The following SIDT1 variants were observed in gnomAD, a reference collection of about 807,000 sequenced individuals.
The protein encoded by SIDT1 is SID1 transmembrane family, member 1.
In SIDT1, 101 loss-of-function variants were observed where a neutral mutation model predicts 107.5. That is an observed-to-expected ratio of 0.94 (90% CI 0.80 to 1.11). SIDT1 has a LOEUF of 1.11. Ranked by LOEUF, SIDT1 falls within the 50% of genes least tolerant of loss-of-function variation. The pLI is 0.00. For missense variants in SIDT1, 1,076 were observed against 1,058.2 expected (o/e 1.02, Z -0.23); for synonymous variants, 395 against 398.2 (o/e 0.99, Z 0.10).
chr3:113,613,876 T>A (rs1945922798), intron 19 of SIDT1, among the ~76,000 whole-genome samples: 1 of 152,206 alleles, frequency 6.6e-6, no homozygotes, highest in South Asian at 2.1e-4. Context: ...ATTTAGCATA[T>A]CATATTATGA....
intron 7 of SIDT1, among the ~76,000 whole-genome samples, chr3:113,584,128 G>T (rs994334675): frequency 6.6e-6 from 1 of 152,178 alleles, no homozygotes; most frequent in Admixed American, 6.5e-5. Flanking sequence ...AATCACATGT[G>T]ACCAACACAA....
At chr3:113,581,597 G>A (rs1159699022) in intron 6 of SIDT1, 153 bp downstream of exon 6, 1 of 646,788 alleles carries the variant, frequency 1.5e-6, no homozygotes, top group African/African-American at 1.8e-5. Context: ...GTCTGGCCAG[G>A]CGCAGTGGCT....
chr3:113,557,660 G>A (rs1941021142), intron 1 of SIDT1, among the ~76,000 whole-genome samples: 1 of 152,218 alleles, frequency 6.6e-6, no homozygotes, highest in Non-Finnish European at 1.5e-5. Context: ...TCTATCCAGA[G>A]GAAGGTCTCA....
intron 19 of SIDT1, among the ~76,000 whole-genome samples, chr3:113,614,831 G>A (rs1276411012): frequency 6.6e-6 from 1 of 152,166 alleles, no homozygotes; most frequent in Non-Finnish European, 1.5e-5. Context: ...GACAGAGAGA[G>A]AGAAAAGTCT....
At chr3:113,625,489 G>T (rs945487960) in intron 23 of SIDT1, among the ~76,000 whole-genome samples, 18 of 152,040 alleles carry the variant, frequency 1.2e-4, no homozygotes, top group African/African-American at 4.3e-4. Flanking sequence ...TCTCCACAGT[G>T]GCTGTACTAA....
intron 23 of SIDT1, chr3:113,625,848 T>G: frequency 2.4e-6 from 1 of 414,180 alleles, no homozygotes. Context: ...GGGTTGTCTC[T>G]TCACTTTGTT....
At chr3:113,562,414 T>A (rs1012489629) in intron 1 of SIDT1, among the ~76,000 whole-genome samples, 1 of 152,242 alleles carries the variant, frequency 6.6e-6, no homozygotes, top group African/African-American at 2.4e-5. Flanking sequence ...AAAATTTGTA[T>A]ACAAATGTTC....
At chr3:113,562,459 A>C (rs1003431940) in intron 1 of SIDT1, among the ~76,000 whole-genome samples, 1 of 152,234 alleles carries the variant, frequency 6.6e-6, no homozygotes, top group African/African-American at 2.4e-5. Flanking sequence ...AAAAAGTTAA[A>C]ACAACCCAAA....
chr3:113,559,438 T>G (rs1347522130), intron 1 of SIDT1, among the ~76,000 whole-genome samples: 2 of 149,016 alleles, frequency 1.3e-5, no homozygotes, highest in Admixed American at 1.3e-4. Flanking sequence ...TTTATTTATT[T>G]TTTTTTTTTT....
In SIDT1 at chr3:113,558,236, T is replaced by A. The variant is rs187759418; in HGVS notation, c.223-8184T>A. On this transcript the variant is annotated intron_variant, in intron 1 of 24. Coordinates refer to ENST00000264852, the MANE Select transcript of SIDT1 (RefSeq NM_017699.3). ...AAGGCCAGCACATCATGGCTTCTTTTTTATTATTACTAGGAAACATTCTAG... is the reference window on the plus strand; with the variant it reads ...AAGGCCAGCACATCATGGCTTCTTTATTATTATTACTAGGAAACATTCTAG... Among the ~76,000 whole-genome samples, 129 of 152,322 alleles carry A rather than the reference T, an allele frequency of 8.5e-4. 2 individuals carry two copies. The highest frequency in any genetic ancestry group is 1.2e-3 in the East Asian group (6 of 5,186).
intron 14 of SIDT1, among the ~76,000 whole-genome samples, chr3:113,605,968 G>A (rs1051059592): frequency 1.3e-5 from 2 of 149,404 alleles, no homozygotes; most frequent in African/African-American, 2.5e-5. Flanking sequence ...CTGAGCCACT[G>A]CACTCCAGCC....
intron 5 of SIDT1, 131 bp from the exon 6 acceptor site, chr3:113,581,230 G>A: frequency 2.8e-6 from 2 of 711,406 alleles, no homozygotes; most frequent in Non-Finnish European, 4.9e-6. Flanking sequence ...GGGGGAAATT[G>A]CCTAGTTTCT....
chr3:113,581,541 T>C (rs1553794233), intron 6 of SIDT1, 97 bp downstream of exon 6: 1 of 974,492 alleles, frequency 1.0e-6, no homozygotes, highest in Non-Finnish European at 1.6e-6. Context: ...CCATCCATGA[T>C]GTGCCTAGGA....
chr3:113,537,394 A>G (rs1388558908), intron 1 of SIDT1, among the ~76,000 whole-genome samples: 1 of 152,242 alleles, frequency 6.6e-6, no homozygotes, highest in East Asian at 1.9e-4. Context: ...TGAAATGCCC[A>G]TGTGGACACT....
chr3:113,533,224 A>G lies in SIDT1; in HGVS notation c.203A>G (p.Tyr68Cys). ...ACCGAGAACATCTACTCTTTCAACT[A>G]CACCAGCCAGCCCGACCAGGTAAGA... ...LSTENIYSFN[Y>C]TSQPDQVTAV... Residue 68 changes from tyrosine to cysteine, a missense_variant, in exon 1 of 25, where the codon TAC becomes TGC. Coordinates refer to ENST00000264852, the MANE Select transcript of SIDT1 (RefSeq NM_017699.3). 1 of 1,494,714 alleles carries G rather than the reference A, an allele frequency of 6.7e-7. No homozygotes were observed. The highest frequency in any genetic ancestry group is 8.9e-7 in the Non-Finnish European group (1 of 1,117,900). The allele number at this position is 1,494,714 out of a possible 1,614,324, so 92.6% of individuals were successfully genotyped here.
intron 1 of SIDT1, among the ~76,000 whole-genome samples, chr3:113,543,088 G>T (rs1318651249): frequency 6.6e-6 from 1 of 151,988 alleles, no homozygotes; most frequent in Non-Finnish European, 1.5e-5. Context: ...CTACAGGCAT[G>T]CACCACCATG....
In SIDT1 at chr3:113,541,143, T is replaced by C. The variant is rs6785833; in HGVS notation, c.222+7900T>C. 5.6e-3 allele frequency among the ~76,000 whole-genome samples: 826 copies of C among 147,730 alleles called. 13 individuals carry two copies. The highest frequency in any genetic ancestry group is 0.019 in the African/African-American group (777 of 40,456). ...ATATATATATATATATACACACACATACACACACACACACACACACACATA... is the reference window on the plus strand; with the variant it reads ...ATATATATATATATATACACACACACACACACACACACACACACACACATA... On this transcript the variant is annotated intron_variant, in intron 1 of 24. Coordinates refer to ENST00000264852, the MANE Select transcript of SIDT1 (RefSeq NM_017699.3).
intron 19 of SIDT1, among the ~76,000 whole-genome samples, chr3:113,613,461 C>A (rs1402758294): frequency 1.3e-5 from 2 of 152,212 alleles, no homozygotes; most frequent in African/African-American, 4.8e-5. Context: ...TCTACATAAA[C>A]AAATGGCTTT....
chr3:113,594,583 G>A (rs754912061), intron 10 of SIDT1, among the ~76,000 whole-genome samples: 1 of 152,054 alleles, frequency 6.6e-6, no homozygotes, highest in Admixed American at 6.6e-5. Flanking sequence ...CATTCAGAAG[G>A]GTCTGTTGAA....
Sources: gnomAD v4.1 joint callset for allele counts (sites outside exome capture counted in the v4.1 genomes callset) on GRCh38, gnomAD v4.1.1 for gene constraint, MANE v1.5 for transcripts, NCBI Gene and HGNC (gene_info 2026-07-23, HGNC 2026-07-21) for gene names.